The following LGSN variants were observed in gnomAD, a reference collection of about 807,000 sequenced individuals.
The protein encoded by LGSN is lengsin.
LGSN carries 21 observed loss-of-function variants against 19.5 expected under a neutral mutation model. That is an observed-to-expected ratio of 1.07 (90% CI 0.76 to 1.55). LGSN has a LOEUF of 1.55. Ranked by LOEUF, LGSN falls within the 40% of genes most tolerant of loss-of-function variation. The pLI, the probability that LGSN is intolerant of heterozygous loss-of-function variation, is 0.00. For synonymous variants in LGSN, 257 were observed against 215.6 expected (o/e 1.19, Z -1.68); for missense variants, 673 against 608.5 (o/e 1.11, Z -1.12).
intron 2 of LGSN, among the ~76,000 whole-genome samples, chr6:63,290,930 C>A (rs970874239): frequency 6.6e-6 from 1 of 152,178 alleles, no homozygotes; most frequent in Non-Finnish European, 1.5e-5. Flanking sequence ...CGTCTGGCCC[C>A]TGTGGGTATT....
chr6:63,381,313 A>C, the LGSN span, among the ~76,000 whole-genome samples: 1 of 152,226 alleles, frequency 6.6e-6, no homozygotes, highest in African/African-American at 2.4e-5. Flanking sequence ...TCATAAGGAA[A>C]TAGTTCAAAT....
the LGSN span, among the ~76,000 whole-genome samples, chr6:63,359,431 T>G: frequency 6.6e-6 from 1 of 152,376 alleles, no homozygotes; most frequent in Non-Finnish European, 1.5e-5. Flanking sequence ...CTTGTACCTC[T>G]GGTAGAATGC....
chr6:63,540,842 C>CAA, the LGSN span, among the ~76,000 whole-genome samples: 24 of 132,982 alleles, frequency 1.8e-4, no homozygotes, highest in East Asian at 3.7e-3. Context: ...GCTGAAAATA[C>CAA]AAAAAAAAAA....
chr6:63,343,029 C>T, the LGSN span, among the ~76,000 whole-genome samples: 2 of 152,128 alleles, frequency 1.3e-5, no homozygotes, highest in Non-Finnish European at 2.9e-5. Flanking sequence ...TTCAGATTCA[C>T]TTCTTGGTTT....
the LGSN span, among the ~76,000 whole-genome samples, chr6:63,456,819 G>A: frequency 1.3e-5 from 2 of 152,212 alleles, no homozygotes; most frequent in South Asian, 4.1e-4. Context: ...GCAGAGAAGG[G>A]AAGAAATTCT....
At chr6:63,463,160 T>C in the LGSN span, among the ~76,000 whole-genome samples, 1 of 152,328 alleles carries the variant, frequency 6.6e-6, no homozygotes, top group Admixed American at 6.5e-5. Context: ...TGTATCTCTG[T>C]TTTCCCATCT....
chr6:63,505,938 T>C, the LGSN span, among the ~76,000 whole-genome samples: 5 of 152,132 alleles, frequency 3.3e-5, no homozygotes, highest in Admixed American at 1.3e-4. Flanking sequence ...CATGAGCCAC[T>C]GCGCCCAGCC....
chr6:63,503,113 A>G, the LGSN span, among the ~76,000 whole-genome samples: 4 of 152,054 alleles, frequency 2.6e-5, no homozygotes, highest in African/African-American at 9.7e-5. Context: ...TATTGTATTC[A>G]TCATGAGTAA....
Position 63,278,795 on chromosome 6 carries a change from T to G in LGSN, c.*1226A>C, listed in dbSNP as rs765387068. The G allele has an allele frequency of 1.3e-5, 2 of 152,182 alleles. No homozygotes were observed. Among genetic ancestry groups the G allele is most frequent in the Non-Finnish European group, 2.9e-5 (2 of 68,028 alleles). 9.4% of individuals were successfully genotyped at this position (152,182 alleles called of 1,614,324 possible). A position where few individuals can be genotyped will look rare whatever the true frequency, so the allele number is the denominator to read the frequency against. On this transcript the variant is annotated 3_prime_UTR_variant, in exon 4 of 4. Transcript: ENST00000370657. ...AAAGAAGGGAGTAATTAGTGAAGGA[T>G]AGACTGACTTTCACTATTTAAGCTA...
the LGSN span, among the ~76,000 whole-genome samples, chr6:63,532,736 A>G: frequency 6.6e-6 from 1 of 152,198 alleles, no homozygotes; most frequent in African/African-American, 2.4e-5. Context: ...TTTTATTGTT[A>G]CAAATTTTCC....
At chr6:63,323,545 A>C (rs1582059618), upstream of LGSN, among the ~76,000 whole-genome samples, 1 of 142,330 alleles carries the variant, frequency 7.0e-6, no homozygotes, top group African/African-American at 2.7e-5. Flanking sequence ...TCTTGAGAGC[A>C]CCAAAACCTC....
the LGSN span, among the ~76,000 whole-genome samples, chr6:63,337,621 G>A: frequency 6.6e-6 from 1 of 151,708 alleles, no homozygotes; most frequent in Non-Finnish European, 1.5e-5. Flanking sequence ...GGGTAACATG[G>A]CCAAACTACA....
chr6:63,321,490 G>A (rs1769081188), upstream of LGSN, among the ~76,000 whole-genome samples: 1 of 152,024 alleles, frequency 6.6e-6, no homozygotes, highest in East Asian at 1.9e-4. Flanking sequence ...TATTGAATAT[G>A]CAATTTGATT....
the LGSN span, among the ~76,000 whole-genome samples, chr6:63,380,574 T>C: frequency 1.3e-5 from 2 of 152,164 alleles, no homozygotes; most frequent in Non-Finnish European, 2.9e-5. Context: ...AAAACATTTT[T>C]TTTTCAGCCT....
chr6:63,445,175 G>C, the LGSN span, among the ~76,000 whole-genome samples: 2 of 152,078 alleles, frequency 1.3e-5, no homozygotes, highest in African/African-American at 4.8e-5. Flanking sequence ...GCTGGGTGTG[G>C]TGGCAGGTGC....
At chr6:63,330,573 G>C in the LGSN span, among the ~76,000 whole-genome samples, 1 of 152,208 alleles carries the variant, frequency 6.6e-6, no homozygotes, top group Non-Finnish European at 1.5e-5. Context: ...ACTTGAGGAA[G>C]GCAGAAGGAT....
the LGSN span, among the ~76,000 whole-genome samples, chr6:63,558,165 C>T: frequency 1.4e-4 from 22 of 152,010 alleles, no homozygotes; most frequent in Non-Finnish European, 1.8e-4. Flanking sequence ...CCACCGTGCC[C>T]GGCCACATAT....
chr6:63,452,833 T>G, the LGSN span, among the ~76,000 whole-genome samples: 1 of 152,092 alleles, frequency 6.6e-6, no homozygotes. Flanking sequence ...TATGCCTACT[T>G]TAGCCTTAAT....
the LGSN span, among the ~76,000 whole-genome samples, chr6:63,360,852 G>C: frequency 6.6e-6 from 1 of 152,204 alleles, no homozygotes; most frequent in African/African-American, 2.4e-5. Flanking sequence ...TGTCCTTTCT[G>C]TTTGTTAATT....
Sources: allele counts gnomAD v4.1 joint callset (sites outside exome capture counted in the v4.1 genomes callset), GRCh38; gene constraint gnomAD v4.1.1; transcripts MANE v1.5; gene names NCBI Gene and HGNC (gene_info 2026-07-23, HGNC 2026-07-21).